CTNNA3: variants seen among roughly 807,000 people sequenced by gnomAD.
CTNNA3 encodes the protein catenin alpha-3.
Under a neutral mutation model 95.7 loss-of-function variants are expected in CTNNA3, and 76 were observed. The ratio of observed to expected loss-of-function variants is 0.79; its 90% CI spans 0.66 to 0.96. The LOEUF is 0.96. Ranked by LOEUF, CTNNA3 falls within the 40% of genes least tolerant of loss-of-function variation. The pLI is 0.00. For missense variants in CTNNA3, 1,191 were observed against 1,089.8 expected, an observed-to-expected ratio of 1.09 and a Z score of -1.31; for synonymous variants, 431 against 374.4, an observed-to-expected ratio of 1.15 and a Z score of -1.74.
chr10:66,899,039 A>T (rs1303608323), intron 7 of CTNNA3, among the ~76,000 whole-genome samples: 1 of 152,224 alleles, frequency 6.6e-6, no homozygotes, highest in Admixed American at 6.5e-5. Context: ...TTATCCAATT[A>T]AAAATGGGCA....
chr10:67,727,196 T>C (rs1212702817), intron 1 of CTNNA3, among the ~76,000 whole-genome samples: 3 of 128,176 alleles, frequency 2.3e-5, no homozygotes, highest in Non-Finnish European at 4.7e-5. Context: ...ATATTATGTG[T>C]ATATATACCT....
intron 9 of CTNNA3, among the ~76,000 whole-genome samples, chr10:66,703,586 G>A (rs1848023127): frequency 1.3e-5 from 2 of 152,056 alleles, no homozygotes; most frequent in Admixed American, 6.6e-5. Context: ...CAGAAAATAT[G>A]TCCGTGGTGA....
At chr10:65,988,603 G>C (rs2078475291) in intron 16 of CTNNA3, 89 bp downstream of exon 16, 1 of 999,090 alleles carries the variant, frequency 1.0e-6, no homozygotes, top group Non-Finnish European at 1.5e-6. Context: ...GTTGAAGAGA[G>C]TAAAAATTTA....
intron 3 of CTNNA3, among the ~76,000 whole-genome samples, chr10:67,606,185 G>A (rs1436004407): frequency 2.0e-5 from 3 of 152,112 alleles, no homozygotes; most frequent in Non-Finnish European, 4.4e-5. Context: ...ATAGATACTT[G>A]CAGAAAGCTG....
At chr10:67,451,588 C>G (rs1404715624) in intron 5 of CTNNA3, among the ~76,000 whole-genome samples, 1 of 152,182 alleles carries the variant, frequency 6.6e-6, no homozygotes, top group Non-Finnish European at 1.5e-5. Context: ...GGTTCTGGCT[C>G]TTATCCTAGA....
intron 13 of CTNNA3, among the ~76,000 whole-genome samples, chr10:66,129,483 A>G (rs577588017): frequency 2.0e-5 from 3 of 152,270 alleles, no homozygotes; most frequent in Admixed American, 2.0e-4. Context: ...CAGCATGGCC[A>G]GGGACACCCA....
At chr10:67,376,410 C>A (rs1020674483) in intron 5 of CTNNA3, among the ~76,000 whole-genome samples, 2 of 152,252 alleles carry the variant, frequency 1.3e-5, no homozygotes, top group East Asian at 3.9e-4. Flanking sequence ...ATAGAGCCTA[C>A]CTTATAGTCA....
At chr10:67,294,157 C>T (rs982075778) in intron 5 of CTNNA3, among the ~76,000 whole-genome samples, 12 of 152,072 alleles carry the variant, frequency 7.9e-5, no homozygotes, top group Admixed American at 6.6e-4. Flanking sequence ...CCCAACACCT[C>T]GCTTTTTGAG....
At chr10:67,419,173 T>C (rs188408484) in intron 5 of CTNNA3, among the ~76,000 whole-genome samples, 46 of 152,268 alleles carry the variant, frequency 3.0e-4, no homozygotes, top group Middle Eastern at 3.4e-3. Context: ...GATCCTCAGG[T>C]GGTTCATGTG....
chr10:66,181,069 C>G (rs1028505563), intron 13 of CTNNA3, among the ~76,000 whole-genome samples: 1 of 151,884 alleles, frequency 6.6e-6, no homozygotes, highest in Non-Finnish European at 1.5e-5. Flanking sequence ...TCAGGGATCA[C>G]TTAGAGGTAA....
At chr10:66,641,630 A>C (rs182916023) in intron 9 of CTNNA3, among the ~76,000 whole-genome samples, 24 of 152,284 alleles carry the variant, frequency 1.6e-4, no homozygotes, top group Admixed American at 1.4e-3. Flanking sequence ...AAACATATTT[A>C]ATATGTGCTT....
intron 15 of CTNNA3, among the ~76,000 whole-genome samples, chr10:66,011,488 T>G (rs1283479772): frequency 6.6e-6 from 1 of 152,168 alleles, no homozygotes; most frequent in Admixed American, 6.5e-5. Context: ...TTTAATTGTA[T>G]GGCATTTTAC....
At chr10:67,028,640 G>C (rs1196230343) in intron 7 of CTNNA3, among the ~76,000 whole-genome samples, 1 of 95,262 alleles carries the variant, frequency 1.0e-5, no homozygotes, top group African/African-American at 3.6e-5. Context: ...CAACAAGCTA[G>C]TTCTACTTAA....
At chr10:67,452,234 C>T (rs1847016862) in intron 5 of CTNNA3, among the ~76,000 whole-genome samples, 2 of 151,924 alleles carry the variant, frequency 1.3e-5, no homozygotes, top group South Asian at 2.1e-4. Flanking sequence ...GTTTGCAATA[C>T]CCTGTGAAAA....
intron 7 of CTNNA3, among the ~76,000 whole-genome samples, chr10:66,987,770 A>G (rs1288844945): frequency 1.3e-5 from 2 of 152,228 alleles, no homozygotes; most frequent in Non-Finnish European, 2.9e-5. Context: ...CTGTGAATTT[A>G]GCTCATGATA....
chr10:66,983,350 C>A (rs1850553860), intron 7 of CTNNA3, among the ~76,000 whole-genome samples: 1 of 152,122 alleles, frequency 6.6e-6, no homozygotes, highest in African/African-American at 2.4e-5. Flanking sequence ...TCCCTGGTAT[C>A]TGAAGCAGGG....
At chr10:66,958,456 A>C (rs1382993730) in intron 7 of CTNNA3, among the ~76,000 whole-genome samples, 1 of 38,848 alleles carries the variant, frequency 2.6e-5, no homozygotes, top group Non-Finnish European at 7.0e-5. Flanking sequence ...AGAAAAATAA[A>C]AAGCTTTTTT....
At chr10:66,826,849 C>G (rs1842534572) in intron 7 of CTNNA3, among the ~76,000 whole-genome samples, 1 of 152,114 alleles carries the variant, frequency 6.6e-6, no homozygotes, top group Admixed American at 6.5e-5. Flanking sequence ...TCTGGCTTTT[C>G]ACAGAAACCT....
rs571248084 is a variant in CTNNA3, at chr10:67,092,353, A to C, written c.1047+87964T>G. 1.9e-3 allele frequency among the ~76,000 whole-genome samples: 284 copies of C among 152,056 alleles called. 1 individual carries two copies. Among genetic ancestry groups the C allele is most frequent in the Non-Finnish European group, 3.5e-3 (240 of 67,908 alleles). Reference sequence around the variant, plus strand: ...CTCTATTCAGACATAACACTTACCAAGCAAACTAGAGAGAGAATTCTAGAG... The same window carrying C: ...CTCTATTCAGACATAACACTTACCACGCAAACTAGAGAGAGAATTCTAGAG... On this transcript the variant is annotated intron_variant, in intron 7 of 17. Coordinates refer to ENST00000433211, the MANE Select transcript of CTNNA3 (RefSeq NM_013266.4).
Sources: allele counts gnomAD v4.1 joint callset (sites outside exome capture counted in the v4.1 genomes callset), GRCh38; gene constraint gnomAD v4.1.1; transcripts MANE v1.5; gene names NCBI Gene and HGNC (gene_info 2026-07-23, HGNC 2026-07-21).